Variants in CMIP observed in about 807,000 individuals in gnomAD.
CMIP encodes the protein c-Maf inducing protein.
A neutral mutation model predicts 97.3 loss-of-function variants in CMIP; 13 were observed. The observed-to-expected ratio is 0.13, with a 90% CI of 0.09 to 0.21. The LOEUF (loss-of-function observed/expected upper bound fraction) is 0.21. CMIP is among the 10% of genes least tolerant of loss of function. CMIP has a pLI of 1.00. For synonymous variants in CMIP, 538 were observed against 436.3 expected (o/e 1.23, Z -2.91); for missense variants, 847 against 1,024.9 (o/e 0.83, Z 2.37).
rs541851699 is a variant in CMIP at position 81,616,071 on chromosome 16, C to T, written c.427-4805C>T. Among the ~76,000 whole-genome samples the T allele has an allele frequency of 4.0e-5, 6 of 151,640 alleles. No homozygotes were observed. The South Asian group carries it at 6.2e-4, about 16-fold the overall frequency. On this transcript the variant is annotated intron_variant, in intron 2 of 20. Transcript: ENST00000537098. The surrounding 1 kb of genome is among the most constrained non-coding windows in gnomAD (Gnocchi z 4.7). ...CTGTCTCTGCCTCCCTGGAAGGAGG[C>T]GCAGGAGAGTTCCGCATCGAGACTG... is the stretch of plus-strand genomic sequence containing the variant.
intron 12 of CMIP, 114 bp from the exon 13 acceptor site, chr16:81,693,325 C>G (rs1906321998): frequency 1.4e-6 from 2 of 1,456,042 alleles, no homozygotes; most frequent in Admixed American, 1.9e-5. Context: ...CCCTGATCCA[C>G]CGCCTTGCCC....
At chr16:81,473,395 G>A (rs1384026328) in intron 1 of CMIP, among the ~76,000 whole-genome samples, 1 of 152,188 alleles carries the variant, frequency 6.6e-6, no homozygotes, top group Non-Finnish European at 1.5e-5. Context: ...CTTTGACCCG[G>A]CAGAGGCTGT....
intron 20 of CMIP, 21 bp from the exon 21 acceptor site, chr16:81,709,725 G>A: frequency 6.2e-7 from 1 of 1,613,726 alleles, no homozygotes; most frequent in African/African-American, 1.3e-5. Context: ...ACGTGACAAG[G>A]ACTCTTATTG....
intron 1 of CMIP, among the ~76,000 whole-genome samples, chr16:81,471,066 C>G (rs947178104): frequency 2.0e-5 from 3 of 152,032 alleles, no homozygotes; most frequent in Non-Finnish European, 2.9e-5. Context: ...TGCGTGCATA[C>G]AAATATACCC....
chr16:81,577,564 TCATCAC>T (rs1321357732), intron 1 of CMIP, among the ~76,000 whole-genome samples: 1 of 145,074 alleles, frequency 6.9e-6, no homozygotes, highest in Non-Finnish European at 1.5e-5. Flanking sequence ...ACTATCACCA[TCATCAC>T]CATCACCTTC....
intron 14 of CMIP, among the ~76,000 whole-genome samples, chr16:81,699,157 G>A (rs1341708084): frequency 6.6e-6 from 1 of 152,186 alleles, no homozygotes; most frequent in African/African-American, 2.4e-5. Context: ...GGGAGGCTGA[G>A]GTGGGAGGAT....
At chr16:81,493,373 TTACC>T (rs2089436042) in intron 1 of CMIP, among the ~76,000 whole-genome samples, 4 of 152,154 alleles carry the variant, frequency 2.6e-5, no homozygotes, top group African/African-American at 9.7e-5. Flanking sequence ...TTACCTGTCG[TTACC>T]TGTCGTTACC....
rs75854836 is a variant in CMIP at position 81,657,129 on chromosome 16, A to G, written c.640-646A>G. ...GATGTTCAACCTGTAACAGTTACCA[A>G]TTATTTAAGAAAAGTCCAGATTGGG... On this transcript the variant is annotated intron_variant, in intron 4 of 20. Coordinates refer to ENST00000537098, the MANE Select transcript of CMIP (RefSeq NM_198390.3). 9.4e-3 allele frequency among the ~76,000 whole-genome samples: 1,434 copies of G among 152,314 alleles called. 39 individuals carry two copies. The East Asian group carries it at 0.096, about 10-fold the overall frequency.
rs747169672 is a variant in CMIP, at chr16:81,595,387, C to CT, written c.301-12163dup. 7.4e-3 allele frequency among the ~76,000 whole-genome samples: 1,014 copies of CT among 137,666 alleles called. 6 individuals carry two copies. The highest frequency in any genetic ancestry group is 0.015 in the African/African-American group (554 of 37,772). 90.3% of individuals were successfully genotyped at this position (137,666 alleles called of 152,430 possible). Reference sequence around the variant, plus strand: ...TGTGTAATACTTTCTTTCCTTCTTTCTTTTTTTTTTTTTTTTTCTGAGACA... The same window carrying CT: ...TGTGTAATACTTTCTTTCCTTCTTTCTTTTTTTTTTTTTTTTTTCTGAGACA... On this transcript the variant is annotated intron_variant, in intron 1 of 20. Transcript: ENST00000537098.
intron 14 of CMIP, among the ~76,000 whole-genome samples, chr16:81,698,475 C>T (rs1295029714): frequency 1.3e-5 from 2 of 152,242 alleles, no homozygotes; most frequent in African/African-American, 4.8e-5. Context: ...GGCTTCGTCA[C>T]GTCCCCTACC....
intron 1 of CMIP, among the ~76,000 whole-genome samples, chr16:81,447,525 C>G (rs1905935377): frequency 6.6e-6 from 1 of 152,174 alleles, no homozygotes; most frequent in Non-Finnish European, 1.5e-5. Context: ...CTCACCTTGG[C>G]CAGCCCAGGT....
rs2090665032 is a variant in CMIP at position 81,551,880 on chromosome 16, G to C, written c.301-55687G>C. 2.6e-5 allele frequency among the ~76,000 whole-genome samples: 4 copies of C among 152,346 alleles called. No homozygotes were observed. The South Asian group carries it at 8.3e-4, about 32-fold the overall frequency. On this transcript the variant is annotated intron_variant, in intron 1 of 20. Coordinates refer to ENST00000537098, the MANE Select transcript of CMIP (RefSeq NM_198390.3). Reference sequence around the variant, plus strand: ...TGCATCCTCAGATGGGTGAGGCTCTGCTGCTGTGACAAAGACTCCCCGGTC... The same window carrying C: ...TGCATCCTCAGATGGGTGAGGCTCTCCTGCTGTGACAAAGACTCCCCGGTC...
intron 1 of CMIP, among the ~76,000 whole-genome samples, chr16:81,585,890 C>T (rs1181114836): frequency 2.6e-5 from 4 of 152,128 alleles, no homozygotes; most frequent in African/African-American, 9.7e-5. Context: ...AGAGTTGCTG[C>T]CCCTGTCGTA....
At chr16:81,706,336 C>T (rs1001446014) in intron 19 of CMIP, among the ~76,000 whole-genome samples, 5 of 152,154 alleles carry the variant, frequency 3.3e-5, no homozygotes, top group Admixed American at 6.5e-5. Flanking sequence ...GGGGGAGGCA[C>T]CCTGAGCAGG....
chr16:81,558,813 G>C (rs1202995122), intron 1 of CMIP, among the ~76,000 whole-genome samples: 1 of 152,204 alleles, frequency 6.6e-6, no homozygotes, highest in Admixed American at 6.5e-5. Context: ...AATGTGTTGA[G>C]AGTGGCTGCG....
chr16:81,466,560 T>C (rs548091240), intron 1 of CMIP, among the ~76,000 whole-genome samples: 79 of 152,346 alleles, frequency 5.2e-4, no homozygotes, highest in Non-Finnish European at 9.3e-4. Context: ...AGGGTTATCA[T>C]GAGGCATAAC....
chr16:81,682,391 C>T (rs1781832060), intron 10 of CMIP, among the ~76,000 whole-genome samples: 1 of 152,096 alleles, frequency 6.6e-6, no homozygotes, highest in South Asian at 2.1e-4. Flanking sequence ...ATGGAGAAAC[C>T]TCGTCTCTAC....
chr16:81,648,656 AC>A (rs1347037859), intron 3 of CMIP, among the ~76,000 whole-genome samples: 1 of 151,812 alleles, frequency 6.6e-6, no homozygotes, highest in Non-Finnish European at 1.5e-5. Flanking sequence ...GGTGGTGCAC[AC>A]CTGTAATCCC....
At chr16:81,688,923 T>C (rs1188296490) in intron 10 of CMIP, among the ~76,000 whole-genome samples, 2 of 152,224 alleles carry the variant, frequency 1.3e-5, no homozygotes, top group Non-Finnish European at 2.9e-5. Context: ...TTTTCTGTCC[T>C]TGCGATAGTT....
Sources: allele counts gnomAD v4.1 joint callset (sites outside exome capture counted in the v4.1 genomes callset), GRCh38; gene constraint gnomAD v4.1.1; non-coding constraint Gnocchi (gnomAD v3.1); transcripts MANE v1.5; gene names NCBI Gene and HGNC (gene_info 2026-07-23, HGNC 2026-07-21).